SPTBN1: variants seen among roughly 807,000 people sequenced by gnomAD.
SPTBN1 encodes the protein spectrin beta chain, non-erythrocytic 1.
In SPTBN1, 32 loss-of-function variants were observed where a neutral mutation model predicts 266.4. That is an observed-to-expected ratio of 0.12 (90% CI 0.09 to 0.16). SPTBN1 has a LOEUF of 0.16. Ranked by LOEUF, SPTBN1 falls within the 10% of genes least tolerant of loss-of-function variation. The pLI is 1.00. For synonymous variants in SPTBN1, 1,336 were observed against 1,162.2 expected (o/e 1.15, Z -3.04); for missense variants, 2,296 against 3,067.1 (o/e 0.75, Z 5.94).
intron 12 of SPTBN1, among the ~76,000 whole-genome samples, chr2:54,627,790 C>G (rs571759633): frequency 1.3e-5 from 2 of 151,312 alleles, no homozygotes; most frequent in Non-Finnish European, 2.9e-5. Flanking sequence ...CCCCCTCCCC[C>G]CCACCCTGGC....
intron 2 of SPTBN1, among the ~76,000 whole-genome samples, chr2:54,568,253 C>T (rs1349686177): frequency 6.7e-6 from 1 of 148,500 alleles, no homozygotes; most frequent in Non-Finnish European, 1.5e-5. Context: ...TGGTGGCGCA[C>T]ATGTGTAATC....
At chr2:54,557,961 G>T in intron 2 of SPTBN1, 1 of 985,060 alleles carries the variant, frequency 1.0e-6, no homozygotes, top group South Asian at 4.7e-5. Context: ...CCCAGGTGCG[G>T]GCCGCGTTAC....
intron 17 of SPTBN1, among the ~76,000 whole-genome samples, chr2:54,634,688 T>C (rs2941579): frequency 0.16 from 24,387 of 152,142 alleles, 2,123 homozygotes; most frequent in African/African-American, 0.21. Context: ...CCTTCAGATA[T>C]AATCCCCGCT....
chr2:54,542,502 G>C (rs1671994530), intron 2 of SPTBN1, among the ~76,000 whole-genome samples: 1 of 152,236 alleles, frequency 6.6e-6, no homozygotes, highest in Non-Finnish European at 1.5e-5. Flanking sequence ...CCAACTTGGA[G>C]TTACGCTAGA....
intron 3 of SPTBN1, among the ~76,000 whole-genome samples, chr2:54,605,703 C>T (rs995220746): frequency 5.9e-5 from 9 of 152,252 alleles, no homozygotes; most frequent in Admixed American, 2.0e-4. Context: ...GAAGCCTACT[C>T]TGAAGCAGAT....
chr2:54,650,955 C>G (rs1218435499), intron 26 of SPTBN1, among the ~76,000 whole-genome samples: 1 of 152,208 alleles, frequency 6.6e-6, no homozygotes, highest in Non-Finnish European at 1.5e-5. Context: ...TGTTCTCTCT[C>G]ACTTCCCCTT....
chr2:54,500,923 T>TGC (rs1204912635), intron 1 of SPTBN1, among the ~76,000 whole-genome samples: 3 of 152,230 alleles, frequency 2.0e-5, no homozygotes, highest in Non-Finnish European at 4.4e-5. Context: ...GACAGTGATG[T>TGC]GCAGCCAAGA....
chr2:54,622,642 A>G (rs1678070608), intron 9 of SPTBN1, among the ~76,000 whole-genome samples, 155 bp downstream of exon 9: 1 of 152,192 alleles, frequency 6.6e-6, no homozygotes, highest in Admixed American at 6.6e-5. Flanking sequence ...TTTTGCTGAG[A>G]TTTATGATAG....
At chr2:54,484,841 G>C in intron 1 of SPTBN1, among the ~76,000 whole-genome samples, 1 of 152,106 alleles carries the variant, frequency 6.6e-6, no homozygotes, top group Non-Finnish European at 1.5e-5. Context: ...AATACGTTTA[G>C]CTTCAAAAAT....
chr2:54,654,975 C>T (rs1238433321), intron 27 of SPTBN1, 95 bp from the exon 28 acceptor site: 1 of 924,562 alleles, frequency 1.1e-6, no homozygotes, highest in African/African-American at 1.6e-5. Context: ...CTTTCAAGGC[C>T]ATCAGTTTCT....
chr2:54,503,842 TG>T, intron 1 of SPTBN1, among the ~76,000 whole-genome samples: 1 of 152,312 alleles, frequency 6.6e-6, no homozygotes, highest in South Asian at 2.1e-4. Flanking sequence ...GGTTCACTTT[TG>T]GGGGGAATAT....
rs76526834 is a variant in SPTBN1 at position 54,645,652 on chromosome 2, A to G, written c.4494+199A>G. Among the ~76,000 whole-genome samples, 3,340 of 152,222 alleles carry G rather than the reference A, an allele frequency of 0.022. 124 individuals carry two copies. Among genetic ancestry groups the G allele is most frequent in the African/African-American group, 0.074 (3,056 of 41,508 alleles). On this transcript the variant is annotated intron_variant, in intron 21 of 35. Transcript: ENST00000356805. This position sits in a 1 kb window ranked among gnomAD's most constrained non-coding sequence, Gnocchi z 4.3. Reference sequence around the variant, plus strand: ...CTCCATTGGTCCTCTCACGTTATCTAGGGATACTGTAGGATTTTAATGGCC... The same window carrying G: ...CTCCATTGGTCCTCTCACGTTATCTGGGGATACTGTAGGATTTTAATGGCC...
rs1057222914 is a variant in SPTBN1 at position 54,596,422 on chromosome 2, C to T, written c.149-2670C>T. Among the ~76,000 whole-genome samples, 3 of 152,208 alleles carry T rather than the reference C, an allele frequency of 2.0e-5. No individual in the cohort carries two copies. The East Asian group carries it at 5.8e-4, about 29-fold the overall frequency. ...CCAAGTGCTCCATTGTAAGAGGACA[C>T]GCTAGTTGACTGGGGCTTTGTGTGT... On this transcript the variant is annotated intron_variant, in intron 2 of 35. Transcript: ENST00000356805.
In SPTBN1 at chr2:54,670,359, T is replaced by C. The variant is rs1681646972; in HGVS notation, c.*1790T>C. ...CCATGCCACTTGCATAAAGCAGCAATGGATATTAGTATTATGGATGTCCAG... is the reference window on the plus strand; with the variant it reads ...CCATGCCACTTGCATAAAGCAGCAACGGATATTAGTATTATGGATGTCCAG... On this transcript the variant is annotated 3_prime_UTR_variant, in exon 36 of 36. Transcript: ENST00000356805. The C allele has an allele frequency of 4.9e-6, 1 of 204,600 alleles. No homozygotes were observed. Among genetic ancestry groups the C allele is most frequent in the Non-Finnish European group, 9.7e-6 (1 of 102,786 alleles). The allele number at this position is 204,600 out of a possible 1,614,324, so 12.7% of individuals were successfully genotyped here.
chr2:54,586,801 A>C (rs13432302), intron 2 of SPTBN1, among the ~76,000 whole-genome samples: 52,266 of 152,082 alleles, frequency 0.34, 11,826 homozygotes, highest in African/African-American at 0.65. Flanking sequence ...GAAACTGTCA[A>C]GAACGGCTGG....
chr2:54,458,727 TG>T (rs1327327032), intron 1 of SPTBN1, among the ~76,000 whole-genome samples: 1 of 152,188 alleles, frequency 6.6e-6, no homozygotes, highest in African/African-American at 2.4e-5. Context: ...TTATTCAGTG[TG>T]GGATGGCAAA....
At chr2:54,584,128 A>G (rs1431353582) in intron 2 of SPTBN1, among the ~76,000 whole-genome samples, 1 of 152,194 alleles carries the variant, frequency 6.6e-6, no homozygotes, top group Non-Finnish European at 1.5e-5. Context: ...ATCATACTGA[A>G]TATTATACAC....
chr2:54,480,501 CA>C (rs1213982591), intron 1 of SPTBN1, among the ~76,000 whole-genome samples: 1 of 152,166 alleles, frequency 6.6e-6, no homozygotes, highest in Admixed American at 6.6e-5. Flanking sequence ...ATCTGAAATT[CA>C]GCTTTAACTT....
rs79627295 is a variant in SPTBN1 at position 54,592,734 on chromosome 2, T to A, written c.149-6358T>A. On this transcript the variant is annotated intron_variant, in intron 2 of 35. Coordinates refer to ENST00000356805, the MANE Select transcript of SPTBN1 (RefSeq NM_003128.3). ...TACATCTTCTAAGAATTTCAAGTTGTTTATCAGAAACCAAACAACAAAAGA... is the reference window on the plus strand; with the variant it reads ...TACATCTTCTAAGAATTTCAAGTTGATTATCAGAAACCAAACAACAAAAGA... Among the ~76,000 whole-genome samples, 203 of 152,358 alleles carry A rather than the reference T, an allele frequency of 1.3e-3. 1 individual carries two copies. The highest frequency in any genetic ancestry group is 4.7e-3 in the African/African-American group (194 of 41,584).
Sources: gnomAD v4.1 joint callset for allele counts (sites outside exome capture counted in the v4.1 genomes callset) on GRCh38, gnomAD v4.1.1 for gene constraint, Gnocchi (gnomAD v3.1) non-coding constraint, MANE v1.5 for transcripts, NCBI Gene and HGNC (gene_info 2026-07-23, HGNC 2026-07-21) for gene names.